ZFPM2: variants seen among roughly 807,000 people sequenced by gnomAD.
The protein encoded by ZFPM2 is zinc finger protein, FOG family member 2.
A neutral mutation model predicts 98.6 loss-of-function variants in ZFPM2; 20 were observed. That is an observed-to-expected ratio of 0.20 (90% CI 0.14 to 0.29). ZFPM2 has a LOEUF of 0.29. Ranked by LOEUF, ZFPM2 falls within the 10% of genes least tolerant of loss-of-function variation. The probability of loss-of-function intolerance (pLI) is 1.00; values close to 1 mark genes in which losing one functional copy is unlikely to be tolerated. For missense variants in ZFPM2, 1,310 were observed against 1,388.6 expected (o/e 0.94, Z 0.90); for synonymous variants, 518 against 502.7 (o/e 1.03, Z -0.41).
intron 5 of ZFPM2, among the ~76,000 whole-genome samples, chr8:105,682,816 C>T (rs1810640462): frequency 6.6e-6 from 1 of 152,110 alleles, no homozygotes; most frequent in African/African-American, 2.4e-5. Flanking sequence ...TCCCACTTCA[C>T]ATAAGTAGTT....
At chr8:105,488,113 T>C (rs1352515494) in intron 3 of ZFPM2, among the ~76,000 whole-genome samples, 2 of 152,174 alleles carry the variant, frequency 1.3e-5, no homozygotes, top group African/African-American at 2.4e-5. Flanking sequence ...TGAATCTGTA[T>C]TGACACATCA....
At position 105,419,140 on chromosome 8, in the gene ZFPM2, C is replaced by G. The variant is rs374926066; in HGVS notation, c.41-4C>G. 1 of 1,608,126 alleles carries G rather than the reference C, an allele frequency of 6.2e-7. No homozygotes were observed. The highest frequency in any genetic ancestry group is 1.1e-5 in the South Asian group (1 of 89,426). Reference sequence around the variant, plus strand: ...TGGTACAGTTTCCCTGATTCTTTTTCAAGGGCCGCTTGAAGATGCCATTGA... The same window carrying G: ...TGGTACAGTTTCCCTGATTCTTTTTGAAGGGCCGCTTGAAGATGCCATTGA... On this transcript the variant is annotated splice_region_variant and splice_polypyrimidine_tract_variant and intron_variant, in intron 1 of 7. Transcript: ENST00000407775.
At chr8:105,671,345 A>G (rs1406569133) in intron 5 of ZFPM2, among the ~76,000 whole-genome samples, 1 of 151,868 alleles carries the variant, frequency 6.6e-6, no homozygotes, top group Admixed American at 6.6e-5. Context: ...TAAATAAAAA[A>G]ATTAATTTTT....
chr8:105,656,545 A>G (rs1286543474), intron 5 of ZFPM2, among the ~76,000 whole-genome samples: 3 of 152,150 alleles, frequency 2.0e-5, no homozygotes, highest in Non-Finnish European at 4.4e-5. Context: ...TGAGTCCCAA[A>G]CTGTGCCCTA....
At chr8:105,499,372 A>G (rs941110259) in intron 3 of ZFPM2, among the ~76,000 whole-genome samples, 2 of 152,028 alleles carry the variant, frequency 1.3e-5, no homozygotes, top group African/African-American at 4.8e-5. Context: ...CAAACAAACA[A>G]AAGAAACCTA....
chr8:105,376,128 C>T (rs1184734509), intron 1 of ZFPM2, among the ~76,000 whole-genome samples: 3 of 152,116 alleles, frequency 2.0e-5, no homozygotes, highest in African/African-American at 7.2e-5. Context: ...TTACTAGTGG[C>T]CTCCATTTAG....
chr8:105,493,966 A>G (rs1200619531), intron 3 of ZFPM2, among the ~76,000 whole-genome samples: 4 of 151,558 alleles, frequency 2.6e-5, no homozygotes, highest in African/African-American at 9.7e-5. Context: ...AACCAAAGCA[A>G]CTTCTTGAAA....
chr8:105,650,185 T>C (rs1586174051), intron 5 of ZFPM2, among the ~76,000 whole-genome samples: 1 of 152,352 alleles, frequency 6.6e-6, no homozygotes, highest in African/African-American at 2.4e-5. Context: ...TAGTATTCTC[T>C]GATGGTAGTT....
chr8:105,521,948 T>G (rs552339872), intron 3 of ZFPM2, among the ~76,000 whole-genome samples: 1 of 152,286 alleles, frequency 6.6e-6, no homozygotes, highest in African/African-American at 2.4e-5. Context: ...ACCTATTATG[T>G]AAGTGCAATA....
At chr8:105,681,332 C>A (rs1325117134) in intron 5 of ZFPM2, among the ~76,000 whole-genome samples, 1 of 152,128 alleles carries the variant, frequency 6.6e-6, no homozygotes, top group Admixed American at 6.5e-5. Flanking sequence ...TTCCTCACAA[C>A]CCCTTTCAGA....
At chr8:105,507,867 A>T (rs1813735627) in intron 3 of ZFPM2, among the ~76,000 whole-genome samples, 1 of 152,204 alleles carries the variant, frequency 6.6e-6, no homozygotes, top group African/African-American at 2.4e-5. Flanking sequence ...GTTGAGAGTA[A>T]TTGAAACTGA....
Position 105,689,340 on chromosome 8 carries a change from A to C in ZFPM2, c.532+54983A>C, listed in dbSNP as rs537999315. ...GTACCTTTTTATTGCAAATGCTAAA[A>C]TATTTCATTATCTTTCACAGACATA... On this transcript the variant is annotated intron_variant, in intron 5 of 7. Coordinates refer to ENST00000407775, the MANE Select transcript of ZFPM2 (RefSeq NM_012082.4). 3.9e-5 allele frequency among the ~76,000 whole-genome samples: 6 copies of C among 152,332 alleles called. No individual in the cohort carries two copies. In the South Asian group the frequency reaches 1.2e-3, roughly 32 times the overall value.
chr8:105,603,399 A>G (rs1250007071), intron 4 of ZFPM2, among the ~76,000 whole-genome samples: 4 of 152,146 alleles, frequency 2.6e-5, no homozygotes, highest in Non-Finnish European at 4.4e-5. Context: ...TTAATGTACA[A>G]TGAAAAATGG....
chr8:105,638,904 C>T (rs150270753), intron 5 of ZFPM2, among the ~76,000 whole-genome samples: 6 of 152,130 alleles, frequency 3.9e-5, no homozygotes, highest in African/African-American at 1.2e-4. Flanking sequence ...CATTAACATT[C>T]GAATCTGATG....
chr8:105,527,836 T>C (rs1814209190), intron 3 of ZFPM2, among the ~76,000 whole-genome samples: 1 of 152,206 alleles, frequency 6.6e-6, no homozygotes, highest in South Asian at 2.1e-4. Context: ...AAGTGTGGCA[T>C]CTTATGGAAG....
chr8:105,705,797 G>A (rs758132391), intron 5 of ZFPM2, among the ~76,000 whole-genome samples: 18 of 152,072 alleles, frequency 1.2e-4, no homozygotes, highest in Non-Finnish European at 1.8e-4. Context: ...TAGAAGAAGC[G>A]TCAAAACTCA....
At chr8:105,605,567 A>ATT (rs1816180829) in intron 4 of ZFPM2, among the ~76,000 whole-genome samples, 1 of 152,076 alleles carries the variant, frequency 6.6e-6, no homozygotes, top group African/African-American at 2.4e-5. Context: ...ATTATTTGTA[A>ATT]ATTTCTTGCA....
At chr8:105,321,872 C>T (rs1490433055) in intron 1 of ZFPM2, among the ~76,000 whole-genome samples, 3 of 152,170 alleles carry the variant, frequency 2.0e-5, no homozygotes, top group African/African-American at 4.8e-5. Flanking sequence ...ATTCCTTCTC[C>T]GTTTCCACCA....
At chr8:105,607,001 G>A (rs1023047331) in intron 4 of ZFPM2, among the ~76,000 whole-genome samples, 2 of 152,070 alleles carry the variant, frequency 1.3e-5, no homozygotes, top group African/African-American at 4.8e-5. Flanking sequence ...GATTCAATAA[G>A]CCACTCTCTT....
Sources: gnomAD v4.1 joint callset for allele counts (sites outside exome capture counted in the v4.1 genomes callset) on GRCh38, gnomAD v4.1.1 for gene constraint, MANE v1.5 for transcripts, NCBI Gene and HGNC (gene_info 2026-07-23, HGNC 2026-07-21) for gene names.